Variants in ACYP1 observed in about 807,000 individuals in gnomAD.
ACYP1 encodes acylphosphatase-1.
Under a neutral mutation model 10.4 loss-of-function variants are expected in ACYP1, and 8 were observed. The ratio of observed to expected loss-of-function variants is 0.77; its 90% CI spans 0.45 to 1.38. ACYP1 has a LOEUF of 1.38. ACYP1 is among the 40% of genes most tolerant of loss of function. The pLI is 0.00. For missense variants in ACYP1, 93 were observed against 117.3 expected, an observed-to-expected ratio of 0.79 and a Z score of 0.96; for synonymous variants, 38 against 40.8, an observed-to-expected ratio of 0.93 and a Z score of 0.26.
At position 75,053,406 on chromosome 14, in the gene ACYP1, A is replaced by G. The variant is rs757273059; in HGVS notation, c.*38T>C. On this transcript the variant is annotated 3_prime_UTR_variant, in exon 3 of 3. Coordinates refer to ENST00000238618, the MANE Select transcript of ACYP1 (RefSeq NM_001107.5). ...TATCTCTATTAATAATAAAAACCAA[A>G]CCACTGAGTTTATCTTAGAAAACTT... is the stretch of plus-strand genomic sequence containing the variant. The G allele has an allele frequency of 1.3e-6, 2 of 1,568,850 alleles. No individual in the cohort carries two copies. Among genetic ancestry groups the G allele is most frequent in the Non-Finnish European group, 1.8e-6 (2 of 1,139,798 alleles).
intron 1 of ACYP1, 111 bp downstream of exon 1, chr14:75,063,843 C>A: frequency 1.2e-6 from 1 of 814,396 alleles, no homozygotes; most frequent in Non-Finnish European, 1.6e-6. Flanking sequence ...TGCCCGGTCC[C>A]GCTCCCTCAC....
chr14:75,061,002 G>C (rs10149551), intron 2 of ACYP1, among the ~76,000 whole-genome samples: 69,373 of 151,914 alleles, frequency 0.46, 16,964 homozygotes, highest in East Asian at 0.84. Flanking sequence ...AGGAGGCAGA[G>C]GTTGCAGTGA....
upstream of ACYP1, among the ~76,000 whole-genome samples, chr14:75,064,705 G>C (rs1477612069): frequency 1.3e-5 from 2 of 152,110 alleles, no homozygotes; most frequent in Non-Finnish European, 2.9e-5. Context: ...CTGCACTCCA[G>C]CCTGGGCAAC....
In ACYP1 at chr14:75,053,507, T is replaced by G; in HGVS notation, c.237A>C (p.Ala79=). The G allele has an allele frequency of 6.2e-7, 1 of 1,614,234 alleles. No homozygotes were observed. Among genetic ancestry groups the G allele is most frequent in the Non-Finnish European group, 8.5e-7 (1 of 1,180,032 alleles). ...RGSPKSHIDK[A]NFNNEKVILK... ...AGATGACTTTTTCATTGTTGAAGTT[T>G]GCTTTGTCGATGTGTGATTTAGGAC... Residue 79 remains alanine, a synonymous_variant, in exon 3 of 3, where the codon GCA becomes GCC. Transcript: ENST00000238618.
chr14:75,063,833 T>C (rs904079149), intron 1 of ACYP1, 121 bp downstream of exon 1: 2 of 775,986 alleles, frequency 2.6e-6, no homozygotes, highest in Admixed American at 4.0e-5. Context: ...CTTACATCCA[T>C]GCCCGGTCCC....
intron 2 of ACYP1, among the ~76,000 whole-genome samples, chr14:75,061,068 ACT>A (rs1425474319): frequency 1.5e-5 from 2 of 134,926 alleles, no homozygotes; most frequent in Non-Finnish European, 3.2e-5. Context: ...CAGAGTTGAG[ACT>A]CTGTCTCAAC....
At chr14:75,058,118 CA>C (rs1242167635) in intron 2 of ACYP1, among the ~76,000 whole-genome samples, 1 of 150,738 alleles carries the variant, frequency 6.6e-6, no homozygotes, top group African/African-American at 2.5e-5. Context: ...CACTGTGAGG[CA>C]GGGGTGGGAA....
At chr14:75,063,224 A>G in intron 2 of ACYP1, 1 of 482,750 alleles carries the variant, frequency 2.1e-6, no homozygotes, top group Non-Finnish European at 3.8e-6. Context: ...GGAAGAGAGA[A>G]GCTCATTAAT....
In ACYP1 at chr14:75,053,265, A is replaced by T; in HGVS notation, c.*179T>A. On this transcript the variant is annotated 3_prime_UTR_variant, in exon 3 of 3. Coordinates refer to ENST00000238618, the MANE Select transcript of ACYP1 (RefSeq NM_001107.5). The stretch of plus-strand genomic sequence containing the variant: ...GCAGAAGGTTCTAACGTTTTTATTG[A>T]TTAGATTTGTGTACAGTGGTAATCC... 1.6e-6 allele frequency: 1 copy of T among 624,216 alleles called. No individual in the cohort carries two copies. The highest frequency in any genetic ancestry group is 2.0e-5 in the South Asian group (1 of 49,788). The allele number at this position is 624,216 out of a possible 1,614,324, so 38.7% of individuals were successfully genotyped here.
intron 2 of ACYP1, among the ~76,000 whole-genome samples, chr14:75,062,659 C>CAAAAAAAAAAAAAAA (rs534860020): frequency 9.7e-6 from 1 of 103,420 alleles, no homozygotes; most frequent in Non-Finnish European, 1.9e-5. Context: ...ACTAAAAATA[C>CAAAAAAAAAAAAAAA]AAAAAAAAAA....
At chr14:75,058,689 G>T (rs1187249147) in intron 2 of ACYP1, among the ~76,000 whole-genome samples, 1 of 150,786 alleles carries the variant, frequency 6.6e-6, no homozygotes, top group Non-Finnish European at 1.5e-5. Context: ...GAATAGTATT[G>T]AGAGTCCAGA....
At chr14:75,060,219 G>A in intron 2 of ACYP1, 2 of 680,256 alleles carry the variant, frequency 2.9e-6, no homozygotes, top group South Asian at 1.6e-5. Context: ...CACTGTAGTT[G>A]GAGAACATTC....
At chr14:75,058,497 A>C (rs1162032609) in intron 2 of ACYP1, among the ~76,000 whole-genome samples, 1 of 151,266 alleles carries the variant, frequency 6.6e-6, no homozygotes, top group Non-Finnish European at 1.5e-5. Flanking sequence ...GAACTAATAG[A>C]GTAAGACTTC....
intron 2 of ACYP1, among the ~76,000 whole-genome samples, chr14:75,058,041 C>T (rs1236197283): frequency 7.0e-6 from 1 of 142,128 alleles, no homozygotes; most frequent in African/African-American, 2.6e-5. Flanking sequence ...TTATTTGACT[C>T]ATGATTCTGT....
At chr14:75,060,463 C>T (rs1233689694) in intron 2 of ACYP1, among the ~76,000 whole-genome samples, 1 of 152,174 alleles carries the variant, frequency 6.6e-6, no homozygotes, top group East Asian at 1.9e-4. Context: ...TACCATATGA[C>T]CCAGCAATCT....
rs769827826 is a variant in ACYP1, at chr14:75,063,473, A to T, written c.81T>A (p.Thr27=). The part of the protein sequence containing the change: ...KVQGVFFRKH[T]QAEGKKLGLV... ...CCAAAGCCTGCAGGCCACATACCTG[A>T]GTATGCTTACGGAAAAACACCCCTT... is the stretch of plus-strand genomic sequence containing the variant. The change falls in exon 2 of 3, where the codon ACT becomes ACA. Residue 27 remains threonine, a synonymous_variant. Coordinates refer to ENST00000238618, the MANE Select transcript of ACYP1 (RefSeq NM_001107.5). 1.5e-5 allele frequency: 24 copies of T among 1,613,258 alleles called. No homozygotes were observed. Among genetic ancestry groups the T allele is most frequent in the Non-Finnish European group, 2.0e-5 (24 of 1,179,550 alleles).
chr14:75,067,093 T>G (rs2139664540), upstream of ACYP1, among the ~76,000 whole-genome samples: 1 of 152,066 alleles, frequency 6.6e-6, no homozygotes, highest in South Asian at 2.1e-4. Context: ...TGAGAAAGAC[T>G]AAAGCTAAGC....
chr14:75,068,164 G>A (rs1169876294), upstream of ACYP1, among the ~76,000 whole-genome samples: 2 of 149,536 alleles, frequency 1.3e-5, no homozygotes, highest in African/African-American at 2.5e-5. Context: ...AGTGGCAGAC[G>A]CCTGTAATCT....
chr14:75,057,617 G>C lies in ACYP1; in HGVS notation c.85-3958C>G, dbSNP rs143552262. On this transcript the variant is annotated intron_variant, in intron 2 of 2. Coordinates refer to ENST00000238618, the MANE Select transcript of ACYP1 (RefSeq NM_001107.5). ...AACTTACTACAAAGCTGCAGTAACT[G>C]AGACAGTGTGGTACTGGCATAAGGA... is the stretch of plus-strand genomic sequence containing the variant. 1.6e-3 allele frequency among the ~76,000 whole-genome samples: 244 copies of C among 151,508 alleles called. 5 individuals carry two copies. The highest frequency in any genetic ancestry group is 0.014 in the Admixed American group (213 of 15,256).
Sources: allele counts gnomAD v4.1 joint callset (sites outside exome capture counted in the v4.1 genomes callset), GRCh38; gene constraint gnomAD v4.1.1; transcripts MANE v1.5; gene names NCBI Gene and HGNC (gene_info 2026-07-23, HGNC 2026-07-21).